The following ITPRID1 variants were observed in gnomAD, a reference collection of about 807,000 sequenced individuals.
ITPRID1 encodes protein ITPRID1.
In ITPRID1, 96 loss-of-function variants were observed where a neutral mutation model predicts 95.4. That is an observed-to-expected ratio of 1.01 (90% confidence interval 0.85 to 1.19). ITPRID1 has a LOEUF of 1.19. Among genes scored for constraint, ITPRID1 ranks in the 50% most tolerant of loss-of-function variants. ITPRID1 has a pLI of 0.00. For missense variants in ITPRID1, 1,339 were observed against 1,252.9 expected (o/e 1.07, Z -1.04); for synonymous variants, 510 against 453.6 (o/e 1.12, Z -1.58).
chr7:31,628,752 G>A (rs1320011494), intron 10 of ITPRID1, among the ~76,000 whole-genome samples: 1 of 152,116 alleles, frequency 6.6e-6, no homozygotes, highest in African/African-American at 2.4e-5. Flanking sequence ...CACCGCGCCC[G>A]GCCTGAGCGT....
chr7:31,583,142 CT>C lies in ITPRID1; in HGVS notation c.1182del (p.Phe394LeufsTer11). The C allele has an allele frequency of 3.1e-6, 5 of 1,610,412 alleles. No individual in the cohort carries two copies. Among genetic ancestry groups the C allele is most frequent in the Non-Finnish European group, 4.2e-6 (5 of 1,177,214 alleles). ...GCATTTTGATATCTTAGGTCCAAAG[CT>C]TTGAAGAAGAGACTGGTAATCCTCT... Reference protein sequence around the residue: ...DSFEMEEVQSFEEETGNPLDM... With the variant: ...DSFEMEEVQSXEEETGNPLDM... On this transcript the variant is annotated frameshift_variant, in exon 10 of 15. Coordinates refer to ENST00000615280, the MANE Select transcript of ITPRID1 (RefSeq NM_001257967.3). LOFTEE classifies it high-confidence loss of function.
At chr7:31,571,090 G>C (rs911260989) in intron 6 of ITPRID1, among the ~76,000 whole-genome samples, 2 of 151,868 alleles carry the variant, frequency 1.3e-5, no homozygotes, top group Non-Finnish European at 2.9e-5. Context: ...GTGCAGTTGC[G>C]CCATCTCAGC....
intron 10 of ITPRID1, among the ~76,000 whole-genome samples, chr7:31,627,449 G>A (rs1219956942): frequency 6.6e-6 from 1 of 152,026 alleles, no homozygotes; most frequent in Non-Finnish European, 1.5e-5. Context: ...CTGACGCCCA[G>A]GAGTTCAAGA....
chr7:31,622,315 C>T (rs950841841), intron 10 of ITPRID1, among the ~76,000 whole-genome samples: 17 of 151,854 alleles, frequency 1.1e-4, no homozygotes, highest in African/African-American at 4.1e-4. Context: ...TTTTTTTCAG[C>T]ACCACACCAC....
At chr7:31,530,511 A>G (rs1783563109) in intron 1 of ITPRID1, among the ~76,000 whole-genome samples, 1 of 152,194 alleles carries the variant, frequency 6.6e-6, no homozygotes, top group African/African-American at 2.4e-5. Context: ...GGGCACAGTT[A>G]TAAATAAATA....
At chr7:31,649,046 G>C (rs1424469683) in intron 12 of ITPRID1, among the ~76,000 whole-genome samples, 1 of 152,172 alleles carries the variant, frequency 6.6e-6, no homozygotes. Flanking sequence ...TTCCCTAAGT[G>C]TTTCAAATTC....
At position 31,520,135 on chromosome 7, in the gene ITPRID1, T is replaced by C. The variant is rs544386662; in HGVS notation, c.-98+6015T>C. Among the ~76,000 whole-genome samples, 40 of 152,038 alleles carry C rather than the reference T, an allele frequency of 2.6e-4. 1 individual carries two copies. Among genetic ancestry groups the C allele is most frequent in the Non-Finnish European group, 5.3e-4 (36 of 68,010 alleles). On this transcript the variant is annotated intron_variant, in intron 1 of 14. Transcript: ENST00000615280. ...GCAGACTTTTTTTTCAAGTGGAATT[T>C]GTCTGGTGTTTTTCTTATTATTACA... is the stretch of plus-strand genomic sequence containing the variant.
At chr7:31,570,654 C>T (rs1323471526) in intron 6 of ITPRID1, among the ~76,000 whole-genome samples, 2 of 152,148 alleles carry the variant, frequency 1.3e-5, no homozygotes, top group African/African-American at 4.8e-5. Flanking sequence ...CCACAGAAAT[C>T]TCTCAGGCAA....
chr7:31,568,349 C>A (rs1308888238), intron 5 of ITPRID1, among the ~76,000 whole-genome samples: 1 of 152,138 alleles, frequency 6.6e-6, no homozygotes, highest in Admixed American at 6.6e-5. Context: ...AGAACCCTAG[C>A]CCTTTATTCT....
At chr7:31,639,769 C>T (rs1789854225) in intron 10 of ITPRID1, among the ~76,000 whole-genome samples, 1 of 151,976 alleles carries the variant, frequency 6.6e-6, no homozygotes. Context: ...AACTCCTGAC[C>T]TCGTGATCTG....
chr7:31,553,381 C>A (rs1449231493), intron 3 of ITPRID1, among the ~76,000 whole-genome samples, 194 bp downstream of exon 3: 1 of 152,172 alleles, frequency 6.6e-6, no homozygotes, highest in East Asian at 1.9e-4. Context: ...AGGACACAGA[C>A]CTCCTTGAAA....
chr7:31,516,685 G>T (rs963285884), intron 1 of ITPRID1, among the ~76,000 whole-genome samples: 1 of 152,174 alleles, frequency 6.6e-6, no homozygotes, highest in Admixed American at 6.5e-5. Flanking sequence ...CTCAATTAGA[G>T]CCTATGTGTC....
At chr7:31,568,460 A>T (rs1344879715) in intron 5 of ITPRID1, among the ~76,000 whole-genome samples, 3 of 152,162 alleles carry the variant, frequency 2.0e-5, no homozygotes, top group African/African-American at 7.2e-5. Context: ...TTATGTTCTC[A>T]TAGAAATACA....
At chr7:31,552,968 C>T (rs748220982) in intron 2 of ITPRID1, 34 bp from the exon 3 acceptor site, 16 of 1,560,972 alleles carry the variant, frequency 1.0e-5, no homozygotes, top group South Asian at 2.4e-5. Flanking sequence ...CTGAACTCAT[C>T]GTGTCTGATT....
At chr7:31,646,357 G>A (rs192775702) in intron 12 of ITPRID1, among the ~76,000 whole-genome samples, 375 of 152,278 alleles carry the variant, frequency 2.5e-3, no homozygotes, top group Non-Finnish European at 4.5e-3. Flanking sequence ...TGGTTCTGGG[G>A]ATTGAAAGTG....
At chr7:31,639,333 C>A (rs1789787670) in intron 10 of ITPRID1, among the ~76,000 whole-genome samples, 1 of 151,978 alleles carries the variant, frequency 6.6e-6, no homozygotes, top group Admixed American at 6.6e-5. Context: ...ATGACCATGT[C>A]TTCATGTCAC....
chr7:31,584,429 T>C (rs1193931329), intron 10 of ITPRID1, among the ~76,000 whole-genome samples: 1 of 152,200 alleles, frequency 6.6e-6, no homozygotes, highest in Non-Finnish European at 1.5e-5. Context: ...TCCCATCTAA[T>C]TGAATGCTTT....
rs753646215 is a variant in ITPRID1, at chr7:31,578,154, T to C, written c.890T>C (p.Leu297Pro). Reference sequence around the variant, plus strand: ...AAACCATGGGATTGTGGAGCAGAGCTAGCAGCAACCTCAATCAACCACAAG... The same window carrying C: ...AAACCATGGGATTGTGGAGCAGAGCCAGCAGCAACCTCAATCAACCACAAG... Reference protein sequence around the residue: ...FTKPWDCGAELAATSINHKQN... With the variant: ...FTKPWDCGAEPAATSINHKQN... Residue 297 changes from leucine to proline, a missense_variant, in exon 9 of 15, where the codon CTA (leucine) becomes CCA (proline). Coordinates refer to ENST00000615280, the MANE Select transcript of ITPRID1 (RefSeq NM_001257967.3). 3 of 1,613,836 alleles carry C rather than the reference T, an allele frequency of 1.9e-6. No homozygotes were observed. The South Asian group carries it at 3.3e-5, about 18-fold the overall frequency.
chr7:31,549,506 G>A lies in ITPRID1; in HGVS notation c.-24+7G>A. The A allele has an allele frequency of 6.6e-7, 1 of 1,520,382 alleles. No individual in the cohort carries two copies. The allele number at this position is 1,520,382 out of a possible 1,614,324, so 94.2% of individuals were successfully genotyped here. On this transcript the variant is annotated splice_region_variant and intron_variant, in intron 2 of 14. Coordinates refer to ENST00000615280, the MANE Select transcript of ITPRID1 (RefSeq NM_001257967.3). ...AAACTGACCAATATGAGTGGTGATT[G>A]TTTTGGATATATTTTTCATTAAATT... is the stretch of plus-strand genomic sequence containing the variant.
Sources: allele counts gnomAD v4.1 joint callset (sites outside exome capture counted in the v4.1 genomes callset), GRCh38; gene constraint gnomAD v4.1.1; transcripts MANE v1.5; gene names NCBI Gene and HGNC (gene_info 2026-07-23, HGNC 2026-07-21).